The following CTNND2 variants were observed in gnomAD, a reference collection of about 807,000 sequenced individuals.
CTNND2 encodes catenin delta 2, also known as catenin delta-2.
In CTNND2, 22 loss-of-function variants were observed where a neutral mutation model predicts 144.4. The ratio of observed to expected loss-of-function variants is 0.15; its 90% CI spans 0.11 to 0.22. CTNND2 has a LOEUF of 0.22. CTNND2 is among the 10% of genes least tolerant of loss of function. CTNND2 has a pLI of 1.00. For missense variants in CTNND2, 1,353 were observed against 1,618.8 expected, an observed-to-expected ratio of 0.84 and a Z score of 2.82; for synonymous variants, 751 against 695.6, an observed-to-expected ratio of 1.08 and a Z score of -1.25.
At chr5:11,201,845 C>G (rs1385875291) in intron 10 of CTNND2, among the ~76,000 whole-genome samples, 1 of 152,100 alleles carries the variant, frequency 6.6e-6, no homozygotes, top group African/African-American at 2.4e-5. Context: ...ACAGTTCTAC[C>G]CAGGGCTTGC....
At chr5:11,757,618 G>T (rs1047038774) in intron 1 of CTNND2, among the ~76,000 whole-genome samples, 5 of 151,888 alleles carry the variant, frequency 3.3e-5, no homozygotes, top group Admixed American at 3.3e-4. Flanking sequence ...GGCAAACAGA[G>T]ATATGAGTCG....
chr5:11,181,794 GGT>G (rs1243790233), intron 11 of CTNND2, among the ~76,000 whole-genome samples: 9 of 147,514 alleles, frequency 6.1e-5, no homozygotes, highest in African/African-American at 1.2e-4. Context: ...GTGTCTGTGT[GGT>G]GTGTGTGTGG....
chr5:11,298,579 T>C (rs1749256369), intron 9 of CTNND2, among the ~76,000 whole-genome samples: 1 of 152,250 alleles, frequency 6.6e-6, no homozygotes, highest in African/African-American at 2.4e-5. Context: ...AATGCCTAAA[T>C]CATTGGATTT....
At chr5:11,530,767 TC>T (rs1243101568) in intron 3 of CTNND2, among the ~76,000 whole-genome samples, 4 of 152,198 alleles carry the variant, frequency 2.6e-5, no homozygotes, top group African/African-American at 9.7e-5. Flanking sequence ...GTTTCTAGCT[TC>T]CCTTTTGTAC....
chr5:11,077,171 G>A (rs938556586), intron 16 of CTNND2, among the ~76,000 whole-genome samples: 2 of 152,106 alleles, frequency 1.3e-5, no homozygotes, highest in Non-Finnish European at 2.9e-5. Context: ...ATTGGGCATT[G>A]TTCTAGGTAC....
intron 13 of CTNND2, among the ~76,000 whole-genome samples, chr5:11,111,843 T>C (rs968087073): frequency 3.3e-5 from 5 of 151,370 alleles, no homozygotes; most frequent in African/African-American, 4.9e-5. Flanking sequence ...TCCCAGAAGG[T>C]CTACATTTTT....
chr5:11,774,026 C>G (rs1212792368), intron 1 of CTNND2, among the ~76,000 whole-genome samples: 1 of 151,974 alleles, frequency 6.6e-6, no homozygotes, highest in Non-Finnish European at 1.5e-5. Flanking sequence ...AAGAAGAGAT[C>G]ATACATTAAT....
intron 2 of CTNND2, among the ~76,000 whole-genome samples, chr5:11,590,164 G>C (rs1449022885): frequency 1.3e-5 from 2 of 151,756 alleles, no homozygotes; most frequent in African/African-American, 2.4e-5. Context: ...TCCTGCCTCG[G>C]CCTCCCGAGT....
chr5:11,629,161 T>C (rs887427966), intron 2 of CTNND2, among the ~76,000 whole-genome samples: 10 of 152,206 alleles, frequency 6.6e-5, no homozygotes, highest in African/African-American at 2.4e-4. Context: ...TATGCTTAAA[T>C]AACTAATTTC....
chr5:11,664,886 A>G (rs1255388419), intron 2 of CTNND2, among the ~76,000 whole-genome samples: 1 of 152,178 alleles, frequency 6.6e-6, no homozygotes, highest in Non-Finnish European at 1.5e-5. Context: ...TAAGTATATA[A>G]TTGTAAAATG....
chr5:11,413,166 T>C (rs1360341189), intron 3 of CTNND2, among the ~76,000 whole-genome samples: 1 of 152,154 alleles, frequency 6.6e-6, no homozygotes, highest in South Asian at 2.1e-4. Flanking sequence ...TAGACAATAT[T>C]GATACAGGAA....
intron 2 of CTNND2, among the ~76,000 whole-genome samples, chr5:11,586,477 C>G (rs1249538793): frequency 6.6e-6 from 1 of 152,182 alleles, no homozygotes; most frequent in Non-Finnish European, 1.5e-5. Context: ...CCACAAAACT[C>G]AACTCTAAAT....
rs1747648691 is a variant in CTNND2 at position 11,285,664 on chromosome 5, G to A, written c.1629-48841C>T. 2.0e-5 allele frequency among the ~76,000 whole-genome samples: 3 copies of A among 152,046 alleles called. 1 individual carries two copies. In the South Asian group the frequency reaches 6.2e-4, roughly 32 times the overall value. ...CTGCAGTAGAATGAAACGAAAGAAT[G>A]GCAGGTTTGGGTACAGGGAGCCTGA... On this transcript the variant is annotated intron_variant, in intron 9 of 21. Coordinates refer to ENST00000304623, the MANE Select transcript of CTNND2 (RefSeq NM_001332.4).
intron 10 of CTNND2, among the ~76,000 whole-genome samples, chr5:11,226,754 T>C (rs1740403232): frequency 6.6e-6 from 1 of 152,246 alleles, no homozygotes; most frequent in Non-Finnish European, 1.5e-5. Context: ...ATTCGAGATT[T>C]GTATGGGGAC....
rs78392002 is a variant in CTNND2, at chr5:11,204,596, C to T, written c.1762-4935G>A. Among the ~76,000 whole-genome samples the T allele has an allele frequency of 9.9e-3, 1,513 of 152,210 alleles. 12 individuals are homozygous for T. Among genetic ancestry groups the T allele is most frequent in the Middle Eastern group, 0.02 (6 of 294 alleles). ...CATTTGTTACTCTTAACATAATCTGCATATATTGACAATAGCATATATTTG... is the reference window on the plus strand; with the variant it reads ...CATTTGTTACTCTTAACATAATCTGTATATATTGACAATAGCATATATTTG... On this transcript the variant is annotated intron_variant, in intron 10 of 21. Coordinates refer to ENST00000304623, the MANE Select transcript of CTNND2 (RefSeq NM_001332.4).
Position 11,838,749 on chromosome 5 carries a change from C to G in CTNND2, c.37+65068G>C, listed in dbSNP as rs546011433. 1.3e-5 allele frequency among the ~76,000 whole-genome samples: 2 copies of G among 152,230 alleles called. 1 individual carries two copies. The highest frequency in any genetic ancestry group is 4.2e-4 in the South Asian group (2 of 4,816). On this transcript the variant is annotated intron_variant, in intron 1 of 21. Transcript: ENST00000304623. ...CATCAATTTAAGAGATAAATTTTTT[C>G]ACATTTCAATGTCTTTGATATTGTG...
At chr5:11,486,172 G>T in intron 3 of CTNND2, among the ~76,000 whole-genome samples, 1 of 152,186 alleles carries the variant, frequency 6.6e-6, no homozygotes, top group East Asian at 1.9e-4. Context: ...ATTGCCAGGA[G>T]GATGAGATAA....
chr5:11,409,424 T>C (rs1438403768), intron 5 of CTNND2, among the ~76,000 whole-genome samples: 1 of 152,082 alleles, frequency 6.6e-6, no homozygotes, highest in Non-Finnish European at 1.5e-5. Flanking sequence ...TAATACATGG[T>C]TATCTTAATT....
chr5:11,205,865 A>C (rs935847959), intron 10 of CTNND2, among the ~76,000 whole-genome samples: 1 of 152,200 alleles, frequency 6.6e-6, no homozygotes, highest in African/African-American at 2.4e-5. Context: ...AGCACATTGC[A>C]GTGACTGGAG....
Sources: allele counts gnomAD v4.1 joint callset (sites outside exome capture counted in the v4.1 genomes callset), GRCh38; gene constraint gnomAD v4.1.1; transcripts MANE v1.5; gene names NCBI Gene and HGNC (gene_info 2026-07-23, HGNC 2026-07-21).